Variants in ADD3 observed in about 807,000 individuals in gnomAD.
ADD3 encodes adducin 3, also known as gamma-adducin.
Under a neutral mutation model 80.2 loss-of-function variants are expected in ADD3, and 25 were observed. The observed-to-expected ratio is 0.31, with a 90% CI of 0.23 to 0.44. The LOEUF (loss-of-function observed/expected upper bound fraction) is 0.44. ADD3 is among the 20% of genes least tolerant of loss of function. The pLI is 1.00. For synonymous variants in ADD3, 284 were observed against 289.6 expected (o/e 0.98, Z 0.20); for missense variants, 829 against 847.5 (o/e 0.98, Z 0.27).
intron 3 of ADD3, among the ~76,000 whole-genome samples, chr10:110,114,150 C>G (rs1378021374): frequency 6.6e-6 from 1 of 152,154 alleles, no homozygotes; most frequent in East Asian, 1.9e-4. Flanking sequence ...AAGCCATGTG[C>G]CACTGTTTGG....
chr10:110,063,688 T>C (rs1466251288), intron 1 of ADD3, among the ~76,000 whole-genome samples: 2 of 136,956 alleles, frequency 1.5e-5, no homozygotes, highest in African/African-American at 5.4e-5. Context: ...TATAGAAAAG[T>C]ACAGAAATCA....
At chr10:110,043,515 A>G (rs1490256804) in intron 1 of ADD3, among the ~76,000 whole-genome samples, 1 of 152,216 alleles carries the variant, frequency 6.6e-6, no homozygotes, top group African/African-American at 2.4e-5. Flanking sequence ...TAGCTTGGTA[A>G]GAATGATATA....
intron 1 of ADD3, among the ~76,000 whole-genome samples, chr10:109,999,952 A>T (rs61881587): frequency 0.26 from 38,558 of 148,770 alleles, 7,264 homozygotes; most frequent in African/African-American, 0.52. Context: ...CAGAGTCTCA[A>T]TGTGACACCC....
At chr10:110,131,254 A>G (rs1024734924) in intron 13 of ADD3, among the ~76,000 whole-genome samples, 14 of 152,224 alleles carry the variant, frequency 9.2e-5, no homozygotes, top group Non-Finnish European at 2.1e-4. Context: ...TTGTTAATGA[A>G]AACATCTTAA....
At chr10:110,063,732 ATTCAT>A (rs1441086865) in intron 1 of ADD3, among the ~76,000 whole-genome samples, 34 of 76,778 alleles carry the variant, frequency 4.4e-4, no homozygotes, top group Middle Eastern at 6.8e-3. Flanking sequence ...GAATATATAT[ATTCAT>A]TATATATATA....
intron 1 of ADD3, among the ~76,000 whole-genome samples, chr10:110,030,090 G>A (rs1176510004): frequency 1.3e-5 from 2 of 152,120 alleles, no homozygotes; most frequent in Non-Finnish European, 2.9e-5. Flanking sequence ...TTGGGAGGCC[G>A]AGGTGGGCGG....
At chr10:110,032,556 T>C (rs2133206327) in intron 1 of ADD3, among the ~76,000 whole-genome samples, 1 of 152,352 alleles carries the variant, frequency 6.6e-6, no homozygotes, top group South Asian at 2.1e-4. Context: ...ATTGTATTTA[T>C]AATACTAAGA....
intron 2 of ADD3, chr10:110,112,087 T>C (rs1850101505): frequency 6.6e-6 from 1 of 152,164 alleles, no homozygotes; most frequent in Non-Finnish European, 1.5e-5. Flanking sequence ...TGAATCACTC[T>C]GTATTCAAAG....
chr10:110,102,836 C>T (rs555417607), intron 2 of ADD3, among the ~76,000 whole-genome samples: 68 of 152,236 alleles, frequency 4.5e-4, no homozygotes, highest in Non-Finnish European at 7.8e-4. Flanking sequence ...GCCCATTAAA[C>T]TAAAGTTGCA....
At chr10:110,006,049 G>T, upstream of ADD3, 1 of 223,176 alleles carries the variant, frequency 4.5e-6, no homozygotes, top group Non-Finnish European at 9.1e-6. Flanking sequence ...TGAGGCTGCA[G>T]TAGGTTTCTG....
chr10:110,125,078 G>A (rs1851979470), intron 10 of ADD3, among the ~76,000 whole-genome samples: 1 of 152,054 alleles, frequency 6.6e-6, no homozygotes, highest in African/African-American at 2.4e-5. Context: ...TAAACTAATG[G>A]CATTCAATAT....
chr10:109,997,381 G>A (rs1851401474), intron 1 of ADD3: 1 of 152,168 alleles, frequency 6.6e-6, no homozygotes. Flanking sequence ...TACTGGAAAA[G>A]GCAAGGAATG....
chr10:110,100,908 G>A (rs764111338), intron 2 of ADD3, 60 bp downstream of exon 2: 124 of 1,460,392 alleles, frequency 8.5e-5, no homozygotes, highest in Non-Finnish European at 1.1e-4. Flanking sequence ...GTATAATAAG[G>A]TAGAAGTTTT....
chr10:110,050,506 CTT>C (rs59897959), intron 1 of ADD3, among the ~76,000 whole-genome samples: 12 of 129,418 alleles, frequency 9.3e-5, no homozygotes, highest in Admixed American at 7.8e-5. Flanking sequence ...CATTAAACCT[CTT>C]TTTTTTTTTT....
At position 110,124,047 on chromosome 10, in the gene ADD3, C is replaced by A. The variant is rs776324175; in HGVS notation, c.1174C>A (p.Pro392Thr). ...TAGAACAGGCTATGCTTACAGGCAT[C>A]CTCTCATTCGAGAGAAGCCTAGGCA... ...GYRTGYAYRH[P>T]LIREKPRHKS... Residue 392 changes from proline to threonine, a missense_variant, in exon 10 of 15, where the codon CCT becomes ACT. Transcript: ENST00000356080. 2 of 1,614,158 alleles carry A rather than the reference C, an allele frequency of 1.2e-6. No homozygotes were observed. Among genetic ancestry groups the A allele is most frequent in the Non-Finnish European group, 8.5e-7 (1 of 1,179,996 alleles).
At chr10:110,117,192 A>G (rs960728909) in intron 4 of ADD3, 150 bp from the exon 5 acceptor site, 3 of 503,562 alleles carry the variant, frequency 6.0e-6, no homozygotes, top group Admixed American at 3.7e-5. Flanking sequence ...ACTTTAGGAA[A>G]GTTTCATGTT....
At chr10:110,107,057 TGAAAA>T (rs1429333814) in intron 2 of ADD3, among the ~76,000 whole-genome samples, 2 of 151,930 alleles carry the variant, frequency 1.3e-5, no homozygotes, top group East Asian at 3.9e-4. Flanking sequence ...TCTAGGAAAA[TGAAAA>T]GAAACTCTTA....
intron 2 of ADD3, among the ~76,000 whole-genome samples, chr10:110,102,963 G>A (rs983826968): frequency 5.3e-5 from 8 of 152,136 alleles, no homozygotes; most frequent in African/African-American, 1.9e-4. Context: ...AAGGGCAAAC[G>A]CATAGTGTAT....
intron 1 of ADD3, among the ~76,000 whole-genome samples, chr10:110,049,841 C>G (rs924190789): frequency 6.7e-5 from 10 of 150,250 alleles, no homozygotes; most frequent in Non-Finnish European, 1.5e-4. Context: ...GAGCCGAGAT[C>G]GCGCCACTGC....
Sources: gnomAD v4.1 joint callset for allele counts (sites outside exome capture counted in the v4.1 genomes callset) on GRCh38, gnomAD v4.1.1 for gene constraint, MANE v1.5 for transcripts, NCBI Gene and HGNC (gene_info 2026-07-23, HGNC 2026-07-21) for gene names.